Variants in CACNG2 observed in about 807,000 individuals in gnomAD.
CACNG2 encodes voltage-dependent calcium channel gamma-2 subunit.
In CACNG2, 3 loss-of-function variants were observed where a neutral mutation model predicts 25.9. That is an observed-to-expected ratio of 0.12 (90% CI 0.05 to 0.30). The LOEUF (loss-of-function observed/expected upper bound fraction) is 0.30, where lower values mean the gene tolerates loss of function less well. Among genes scored for constraint, CACNG2 ranks in the 10% least tolerant of loss-of-function variants. CACNG2 has a pLI of 1.00. For missense variants in CACNG2, 341 were observed against 432.5 expected, an observed-to-expected ratio of 0.79 and a Z score of 1.88; for synonymous variants, 167 against 173.3, an observed-to-expected ratio of 0.96 and a Z score of 0.29.
Position 36,566,492 on chromosome 22 carries a change from C to T in CACNG2, c.297G>A (p.Arg99=). ...GGAAAATGCTGGAGGCCCTCACGGC[C>T]CCTGTGGAACACAGAGGGTCAGGGA... The part of the protein sequence containing the change: ...YEADTAEYFL[R]AVRASSIFPI... Residue 99 remains arginine (R), a splice_region_variant and synonymous_variant, in exon 3 of 4, where the codon CGG becomes CGA. Transcript: ENST00000300105. 7 of 1,614,042 alleles carry T rather than the reference C, an allele frequency of 4.3e-6. No individual in the cohort carries two copies. Among genetic ancestry groups the T allele is most frequent in the Non-Finnish European group, 5.9e-6 (7 of 1,180,036 alleles).
chr22:36,701,506 C>T (rs2146023539), intron 1 of CACNG2, among the ~76,000 whole-genome samples: 1 of 152,002 alleles, frequency 6.6e-6, no homozygotes, highest in South Asian at 2.1e-4. Context: ...AGAGCTGACA[C>T]CCCCACTCCC....
intron 2 of CACNG2, among the ~76,000 whole-genome samples, chr22:36,570,124 C>T (rs183960906): frequency 9.8e-5 from 15 of 152,338 alleles, no homozygotes; most frequent in Non-Finnish European, 1.3e-4. Flanking sequence ...CCAGTTGAGC[C>T]CCATCTGCTG....
At chr22:36,635,276 C>T (rs867904248) in intron 1 of CACNG2, among the ~76,000 whole-genome samples, 41 of 146,188 alleles carry the variant, frequency 2.8e-4, no homozygotes, top group South Asian at 1.9e-3. Context: ...AGAGCGAGAC[C>T]CCGTCTCAAA....
At chr22:36,635,565 C>T (rs574183491) in intron 1 of CACNG2, among the ~76,000 whole-genome samples, 77 of 152,268 alleles carry the variant, frequency 5.1e-4, no homozygotes, top group Middle Eastern at 6.8e-3. Flanking sequence ...TTGATGTCAT[C>T]TGTCCCGAAG....
intron 1 of CACNG2, among the ~76,000 whole-genome samples, chr22:36,664,702 C>G (rs970032247): frequency 1.3e-5 from 2 of 152,212 alleles, no homozygotes; most frequent in Admixed American, 1.3e-4. Context: ...AAGCATCTAG[C>G]TGAAGTGTGC....
rs560024857 is a variant in CACNG2 at position 36,588,323 on chromosome 22, C to G, written c.212-775G>C. Among the ~76,000 whole-genome samples the G allele has an allele frequency of 4.6e-5, 7 of 152,296 alleles. No homozygotes were observed. The South Asian group carries it at 1.4e-3, about 32-fold the overall frequency. On this transcript the variant is annotated intron_variant, in intron 1 of 3. Coordinates refer to ENST00000300105, the MANE Select transcript of CACNG2 (RefSeq NM_006078.5). ...TTGACTCTAAATGTTTCCTCGGTGC[C>G]TGCTGGGAAGGTGAGAACTGGCCTG...
At chr22:36,615,695 T>C (rs1489438101) in intron 1 of CACNG2, among the ~76,000 whole-genome samples, 1 of 152,242 alleles carries the variant, frequency 6.6e-6, no homozygotes, top group Non-Finnish European at 1.5e-5. Context: ...GGGCGGGGCT[T>C]TGCTCTGCTC....
chr22:36,663,000 C>T (rs766372149), intron 1 of CACNG2, among the ~76,000 whole-genome samples: 4 of 151,272 alleles, frequency 2.6e-5, no homozygotes, highest in African/African-American at 7.4e-5. Context: ...TTGAATGAAA[C>T]TTGAACACTC....
At chr22:36,659,210 G>T (rs1936751835) in intron 1 of CACNG2, among the ~76,000 whole-genome samples, 1 of 152,134 alleles carries the variant, frequency 6.6e-6, no homozygotes, top group Non-Finnish European at 1.5e-5. Context: ...TGGGGGCTCT[G>T]TCCTCTTGTG....
At chr22:36,573,376 G>C (rs1020402889) in intron 2 of CACNG2, among the ~76,000 whole-genome samples, 2 of 152,056 alleles carry the variant, frequency 1.3e-5, no homozygotes, top group Non-Finnish European at 2.9e-5. Context: ...TGTCACCCAG[G>C]CTGGAGAGCA....
chr22:36,664,128 C>T (rs1448497755), intron 1 of CACNG2, among the ~76,000 whole-genome samples: 2 of 151,860 alleles, frequency 1.3e-5, no homozygotes, highest in African/African-American at 4.8e-5. Flanking sequence ...AAGCCTAATT[C>T]CACTGACTTA....
intron 1 of CACNG2, among the ~76,000 whole-genome samples, chr22:36,592,558 T>C (rs558348556): frequency 5.9e-5 from 9 of 152,174 alleles, no homozygotes; most frequent in Non-Finnish European, 1.3e-4. Flanking sequence ...ACATCGAGTA[T>C]ATATTAAGAA....
rs1935253928 is a variant in CACNG2 at position 36,572,804 on chromosome 22, T to C, written c.296-6311A>G. Among the ~76,000 whole-genome samples the C allele has an allele frequency of 2.6e-5, 4 of 152,086 alleles. No homozygotes were observed. The South Asian group carries it at 8.3e-4, about 32-fold the overall frequency. On this transcript the variant is annotated intron_variant, in intron 2 of 3. Coordinates refer to ENST00000300105, the MANE Select transcript of CACNG2 (RefSeq NM_006078.5). ...CAGCTGTGGCCAAGAGTATACTCTA[T>C]ACTGGGGAAAAGGCCACGTGGTCCA...
At chr22:36,680,187 CATCACT>C (rs1159577221) in intron 1 of CACNG2, among the ~76,000 whole-genome samples, 13 of 151,662 alleles carry the variant, frequency 8.6e-5, no homozygotes, top group South Asian at 8.4e-4. Flanking sequence ...TTACCACCAC[CATCACT>C]ACCACCACCA....
At chr22:36,685,708 G>A (rs559453024) in intron 1 of CACNG2, among the ~76,000 whole-genome samples, 1 of 152,370 alleles carries the variant, frequency 6.6e-6, no homozygotes, top group South Asian at 2.1e-4. Flanking sequence ...GAAGGATTCC[G>A]CTGTTCCGGG....
intron 1 of CACNG2, among the ~76,000 whole-genome samples, chr22:36,665,297 C>A (rs1301673078): frequency 6.6e-6 from 1 of 152,122 alleles, no homozygotes; most frequent in Non-Finnish European, 1.5e-5. Flanking sequence ...TGTTGTGTGA[C>A]CCTGGGCAGT....
intron 1 of CACNG2, among the ~76,000 whole-genome samples, chr22:36,668,935 G>A (rs1257352117): frequency 1.3e-5 from 2 of 152,068 alleles, no homozygotes; most frequent in African/African-American, 4.8e-5. Context: ...GTTCTATCTG[G>A]GCCATCAGTG....
At chr22:36,587,371 G>A in intron 2 of CACNG2, 94 bp downstream of exon 2, 1 of 891,204 alleles carries the variant, frequency 1.1e-6, no homozygotes, top group Non-Finnish European at 1.9e-6. Context: ...GCTGTGATGA[G>A]GGCCTCTAGG....
intron 1 of CACNG2, among the ~76,000 whole-genome samples, chr22:36,656,449 T>C (rs970329753): frequency 3.1e-4 from 47 of 152,264 alleles, no homozygotes; most frequent in African/African-American, 1.0e-3. Context: ...ACAGCCCGAA[T>C]CCAACCACTT....
Sources: gnomAD v4.1 joint callset for allele counts (sites outside exome capture counted in the v4.1 genomes callset) on GRCh38, gnomAD v4.1.1 for gene constraint, MANE v1.5 for transcripts, NCBI Gene and HGNC (gene_info 2026-07-23, HGNC 2026-07-21) for gene names.